The following SPRED2 variants were observed in gnomAD, a reference collection of about 807,000 sequenced individuals.
SPRED2 encodes the protein sprouty-related, EVH1 domain-containing protein 2.
Under a neutral mutation model 43.0 loss-of-function variants are expected in SPRED2, and 47 were observed. The observed-to-expected ratio is 1.09, with a 90% CI of 0.87 to 1.40. SPRED2 has a LOEUF of 1.40. SPRED2 is among the 40% of genes most tolerant of loss of function. SPRED2 has a pLI of 0.00. For synonymous variants in SPRED2, 225 were observed against 225.7 expected, an observed-to-expected ratio of 1.00 and a Z score of 0.03; for missense variants, 561 against 586.4, an observed-to-expected ratio of 0.96 and a Z score of 0.45.
At chr2:65,338,886 A>C (rs1463949616) in intron 2 of SPRED2, among the ~76,000 whole-genome samples, 1 of 150,842 alleles carries the variant, frequency 6.6e-6, no homozygotes, top group East Asian at 2.0e-4. Flanking sequence ...CCCATCTAGG[A>C]AGTGAGGAGC....
chr2:65,375,169 C>T (rs1377899024), intron 1 of SPRED2, among the ~76,000 whole-genome samples: 1 of 152,224 alleles, frequency 6.6e-6, no homozygotes, highest in East Asian at 1.9e-4. Flanking sequence ...CTTGCCACCC[C>T]TGATGTGCCT....
chr2:65,430,866 CA>C (rs35723262), intron 1 of SPRED2, among the ~76,000 whole-genome samples: 43,204 of 146,380 alleles, frequency 0.3, 7,305 homozygotes, highest in East Asian at 0.68. Flanking sequence ...GTCTTATTCA[CA>C]AAAAAAAAAA....
At chr2:65,386,842 T>A (rs192772481) in intron 1 of SPRED2, among the ~76,000 whole-genome samples, 36 of 152,362 alleles carry the variant, frequency 2.4e-4, no homozygotes, top group African/African-American at 8.7e-4. Context: ...GTTGTGCACA[T>A]GTACCCTAAA....
intron 1 of SPRED2, among the ~76,000 whole-genome samples, chr2:65,354,493 G>A (rs1203955221): frequency 1.3e-5 from 2 of 151,204 alleles, no homozygotes; most frequent in African/African-American, 2.4e-5. Context: ...GCTTGAACAC[G>A]TATAAATCCT....
chr2:65,366,163 T>C (rs1572873400), intron 1 of SPRED2, among the ~76,000 whole-genome samples: 1 of 152,098 alleles, frequency 6.6e-6, no homozygotes, highest in Non-Finnish European at 1.5e-5. Flanking sequence ...CGTAACACAA[T>C]AGTAATTGTT....
At chr2:65,355,064 C>T (rs920064674) in intron 1 of SPRED2, among the ~76,000 whole-genome samples, 7 of 152,126 alleles carry the variant, frequency 4.6e-5, no homozygotes, top group African/African-American at 9.7e-5. Context: ...TTATAATCAG[C>T]GAAGAATGGA....
At chr2:65,389,951 A>G (rs1386156151) in intron 1 of SPRED2, among the ~76,000 whole-genome samples, 1 of 152,250 alleles carries the variant, frequency 6.6e-6, no homozygotes, top group Non-Finnish European at 1.5e-5. Context: ...CCCACTACTC[A>G]GAGATAATAC....
At chr2:65,408,938 T>C (rs115043566) in intron 1 of SPRED2, among the ~76,000 whole-genome samples, 2,950 of 152,254 alleles carry the variant, frequency 0.019, 82 homozygotes, top group African/African-American at 0.067. Flanking sequence ...ATAACCCTTA[T>C]ATCCTATAGT....
chr2:65,383,095 G>T (rs540301340), intron 1 of SPRED2, among the ~76,000 whole-genome samples: 1 of 152,350 alleles, frequency 6.6e-6, no homozygotes, highest in Admixed American at 6.5e-5. Context: ...GAAGGCTTAC[G>T]TTTTAAAAAT....
intron 1 of SPRED2, among the ~76,000 whole-genome samples, chr2:65,401,941 A>G (rs56127316): frequency 0.49 from 43,350 of 88,452 alleles, 7,071 homozygotes; most frequent in East Asian, 0.72. Flanking sequence ...GCGCGCGCAC[A>G]CACACACACA....
downstream of SPRED2, among the ~76,000 whole-genome samples, chr2:65,309,447 G>A (rs1049784799): frequency 2.0e-5 from 3 of 149,392 alleles, no homozygotes; most frequent in African/African-American, 7.4e-5. Context: ...TCAAGGCTAC[G>A]GTGAGCCATG....
rs1409043062 is a variant in SPRED2, at chr2:65,334,815, C to T, written c.205-42G>A. The T allele has an allele frequency of 3.7e-6, 6 of 1,602,116 alleles. No homozygotes were observed. In the Admixed American group the frequency reaches 8.3e-5, roughly 22 times the overall value. On this transcript the variant is annotated intron_variant, in intron 2 of 5. Coordinates refer to ENST00000356388, the MANE Select transcript of SPRED2 (RefSeq NM_181784.3). Reference sequence around the variant, plus strand: ...CACAGGCTGGTTACTAGTGGAACAGCCATGATGATGTCTGGTTACAGAAGT... The same window carrying T: ...CACAGGCTGGTTACTAGTGGAACAGTCATGATGATGTCTGGTTACAGAAGT...
At chr2:65,336,429 T>G (rs926019086) in intron 2 of SPRED2, among the ~76,000 whole-genome samples, 6 of 137,098 alleles carry the variant, frequency 4.4e-5, no homozygotes, top group African/African-American at 1.5e-4. Flanking sequence ...AATAAAAAAA[T>G]GAGAATAATA....
intron 2 of SPRED2, among the ~76,000 whole-genome samples, chr2:65,340,426 C>T (rs1674143855): frequency 6.6e-6 from 1 of 152,170 alleles, no homozygotes; most frequent in African/African-American, 2.4e-5. Context: ...CTCAAATTCC[C>T]ACCAAATGTT....
chr2:65,416,843 G>T (rs192839530), intron 1 of SPRED2, among the ~76,000 whole-genome samples: 4 of 152,280 alleles, frequency 2.6e-5, no homozygotes, highest in Non-Finnish European at 4.4e-5. Flanking sequence ...GTTTGTAGAT[G>T]CCCTTGGCCA....
chr2:65,333,994 T>C (rs1416041478), intron 3 of SPRED2: 4 of 300,438 alleles, frequency 1.3e-5, no homozygotes, highest in Non-Finnish European at 2.6e-5. Context: ...CTGGATGTGC[T>C]GCAGTGGAGA....
intron 1 of SPRED2, among the ~76,000 whole-genome samples, chr2:65,384,397 C>T (rs1343280315): frequency 6.6e-6 from 1 of 152,196 alleles, no homozygotes; most frequent in African/African-American, 2.4e-5. Context: ...CTTTTACAGT[C>T]CCATCTCCAT....
At position 65,316,882 on chromosome 2, in the gene SPRED2, G is replaced by A; in HGVS notation, c.440C>T (p.Thr147Ile). Residue 147 changes from threonine to isoleucine, a missense_variant and splice_region_variant, in exon 5 of 6, where the codon ACA becomes ATA. Physicochemically the swap from Thr to Ile is moderately conservative, Grantham distance 89. This residue lies in a region of SPRED2 where 305 missense variants were observed against 282.4 expected (regional missense o/e 1.08). Coordinates refer to ENST00000356388, the MANE Select transcript of SPRED2 (RefSeq NM_181784.3). The stretch of plus-strand genomic sequence containing the variant: ...GGAATTAGAAGAACTGTCTGTAGCT[G>A]TCTGTGTAGAGGGAGGTAACCAAGA... ...AELGDDDVFT[T>I]ATDSSSNSSQ... 6.2e-7 allele frequency: 1 copy of A among 1,613,680 alleles called. No individual in the cohort carries two copies. Among genetic ancestry groups the A allele is most frequent in the Non-Finnish European group, 8.5e-7 (1 of 1,179,926 alleles).
downstream of SPRED2, among the ~76,000 whole-genome samples, chr2:65,307,460 T>A (rs1045357007): frequency 2.0e-5 from 3 of 151,476 alleles, no homozygotes; most frequent in African/African-American, 7.3e-5. Context: ...CCTCCCAAAG[T>A]GTTGGGATTA....
Sources: gnomAD v4.1 joint callset for allele counts (sites outside exome capture counted in the v4.1 genomes callset) on GRCh38, gnomAD v4.1.1 for gene constraint, gnomAD v4.1.1 regional missense constraint, MANE v1.5 for transcripts, NCBI Gene and HGNC (gene_info 2026-07-23, HGNC 2026-07-21) for gene names.